Variants in UVRAG observed in about 807,000 individuals in gnomAD.
The protein encoded by UVRAG is UV radiation resistance associated, also known as UV radiation resistance-associated gene protein.
In UVRAG, 19 loss-of-function variants were observed where a neutral mutation model predicts 78.0. The ratio of observed to expected loss-of-function variants is 0.24; its 90% CI spans 0.17 to 0.36. UVRAG has a LOEUF of 0.36. Among genes scored for constraint, UVRAG ranks in the 10% least tolerant of loss-of-function variants. The pLI, the probability that UVRAG is intolerant of heterozygous loss-of-function variation, is 1.00. For missense variants in UVRAG, 740 were observed against 853.8 expected (o/e 0.87, Z 1.66); for synonymous variants, 323 against 324.6 (o/e 1.00, Z 0.05).
intron 13 of UVRAG, among the ~76,000 whole-genome samples, chr11:76,102,380 CTGT>C (rs1436224210): frequency 6.6e-6 from 1 of 151,962 alleles, no homozygotes; most frequent in Non-Finnish European, 1.5e-5. Flanking sequence ...CTTGGTTTGG[CTGT>C]TGTTGGGAAT....
At chr11:76,043,747 A>G (rs1565134048) in intron 12 of UVRAG, among the ~76,000 whole-genome samples, 1 of 152,220 alleles carries the variant, frequency 6.6e-6, no homozygotes, top group African/African-American at 2.4e-5. Flanking sequence ...GATAGTAACC[A>G]TGCTCAACCC....
chr11:75,938,933 G>T (rs1948431464), intron 6 of UVRAG, among the ~76,000 whole-genome samples: 5 of 152,050 alleles, frequency 3.3e-5, no homozygotes, highest in Admixed American at 1.3e-4. Flanking sequence ...ACCTTATTCT[G>T]TTGGGATCCC....
At chr11:75,891,135 A>G (rs770506400) in intron 5 of UVRAG, among the ~76,000 whole-genome samples, 23 of 152,116 alleles carry the variant, frequency 1.5e-4, no homozygotes, top group Non-Finnish European at 2.9e-4. Flanking sequence ...ATATCAACAT[A>G]CTATGTATAC....
intron 1 of UVRAG, among the ~76,000 whole-genome samples, chr11:75,826,977 A>G (rs1945525102): frequency 6.6e-6 from 1 of 152,166 alleles, no homozygotes; most frequent in Non-Finnish European, 1.5e-5. Context: ...TTGTTGGTCC[A>G]TTGAAATAGC....
rs114378929 is a variant in UVRAG, at chr11:75,999,938, C to T, written c.827-4067C>T. ...AAAACACTTCCCATCCCAAGCATTT[C>T]GGATAAGGTATGCTCAACTTGTTTT... On this transcript the variant is annotated intron_variant, in intron 8 of 14. Coordinates refer to ENST00000356136, the MANE Select transcript of UVRAG (RefSeq NM_003369.4). 8.9e-3 allele frequency among the ~76,000 whole-genome samples: 1,357 copies of T among 152,146 alleles called. 22 individuals carry two copies. Among genetic ancestry groups the T allele is most frequent in the African/African-American group, 0.031 (1,289 of 41,504 alleles).
chr11:75,899,088 A>C (rs1364086195), intron 5 of UVRAG, among the ~76,000 whole-genome samples: 2 of 152,140 alleles, frequency 1.3e-5, no homozygotes, highest in Non-Finnish European at 2.9e-5. Flanking sequence ...ATTCCTATGC[A>C]TATTCTGTTT....
In UVRAG at chr11:75,833,089, CTTTAT is replaced by C. The variant is rs1474855907; in HGVS notation, c.117+17573_117+17577del. Among the ~76,000 whole-genome samples, 5 of 152,152 alleles carry C rather than the reference CTTTAT, an allele frequency of 3.3e-5. No homozygotes were observed. The South Asian group carries it at 6.2e-4, about 19-fold the overall frequency. On this transcript the variant is annotated intron_variant, in intron 1 of 14. Coordinates refer to ENST00000356136, the MANE Select transcript of UVRAG (RefSeq NM_003369.4). ...TTATCCTGTAGGTAGAGAGAACAGT[CTTTAT>C]TTTATTTATTTTTATTTTTATTTGG...
chr11:75,988,431 A>G (rs1380287796), intron 8 of UVRAG, among the ~76,000 whole-genome samples: 1 of 152,202 alleles, frequency 6.6e-6, no homozygotes, highest in Non-Finnish European at 1.5e-5. Context: ...ATGTGGTTGT[A>G]TGTGTCAGGA....
intron 6 of UVRAG, among the ~76,000 whole-genome samples, chr11:75,932,192 G>A (rs1264716716): frequency 1.3e-5 from 2 of 151,996 alleles, no homozygotes; most frequent in African/African-American, 2.4e-5. Flanking sequence ...GTAATCCAAA[G>A]TTAGCATTAA....
intron 14 of UVRAG, among the ~76,000 whole-genome samples, chr11:76,116,424 C>T (rs1002844034): frequency 6.6e-6 from 1 of 152,130 alleles, no homozygotes; most frequent in Non-Finnish European, 1.5e-5. Flanking sequence ...AGGAAGAAAG[C>T]AGATAAGGAA....
intron 13 of UVRAG, among the ~76,000 whole-genome samples, chr11:76,077,165 ATAT>A (rs1325780262): frequency 2.0e-5 from 3 of 148,768 alleles, no homozygotes; most frequent in South Asian, 2.1e-4. Context: ...ATATATGTAA[ATAT>A]TATATATACA....
At chr11:75,966,580 C>T (rs934452616) in intron 7 of UVRAG, among the ~76,000 whole-genome samples, 1 of 152,118 alleles carries the variant, frequency 6.6e-6, no homozygotes, top group African/African-American at 2.4e-5. Flanking sequence ...ATTCTAACAT[C>T]TGGATCATCT....
At chr11:75,965,134 A>T (rs1463696576) in intron 7 of UVRAG, among the ~76,000 whole-genome samples, 2 of 152,208 alleles carry the variant, frequency 1.3e-5, no homozygotes, top group African/African-American at 4.8e-5. Context: ...ACACAAAAAA[A>T]AGGTCTGATG....
chr11:76,062,783 A>G (rs1430172560), intron 12 of UVRAG, among the ~76,000 whole-genome samples: 1 of 152,182 alleles, frequency 6.6e-6, no homozygotes, highest in Non-Finnish European at 1.5e-5. Context: ...TGACTACTTC[A>G]TTGTTTCACT....
At chr11:76,114,862 TA>T (rs1952147563) in intron 13 of UVRAG, among the ~76,000 whole-genome samples, 2 of 152,364 alleles carry the variant, frequency 1.3e-5, no homozygotes, top group South Asian at 4.1e-4. Flanking sequence ...GGGATATATT[TA>T]AAAGTTTGAC....
Position 75,878,292 on chromosome 11 carries a change from G to C in UVRAG, c.271-1587G>C, listed in dbSNP as rs865857694. Reference sequence around the variant, plus strand: ...GCCGGGCAGAGACGCTCCTCACTTCGTAGATGGGATGGTGGCCGGGAAGAG... The same window carrying C: ...GCCGGGCAGAGACGCTCCTCACTTCCTAGATGGGATGGTGGCCGGGAAGAG... On this transcript the variant is annotated intron_variant, in intron 3 of 14. Coordinates refer to ENST00000356136, the MANE Select transcript of UVRAG (RefSeq NM_003369.4). 993 of 190,152 alleles carry C rather than the reference G, an allele frequency of 5.2e-3. 7 individuals carry two copies. Among genetic ancestry groups the C allele is most frequent in the African/African-American group, 0.014 (546 of 39,832 alleles). 11.8% of individuals were successfully genotyped at this position (190,152 alleles called of 1,614,324 possible).
rs772480456 is a variant in UVRAG, at chr11:76,140,692, G to A, written c.1398-19G>A. On this transcript the variant is annotated intron_variant, in intron 14 of 14. Transcript: ENST00000356136. The stretch of plus-strand genomic sequence containing the variant: ...GTTCTGAAGTCCAAAGTAACTTCTT[G>A]TTTTTGTTTCTCTTCTAGTGACAGA... 5.8e-6 allele frequency: 9 copies of A among 1,542,296 alleles called. No individual in the cohort carries two copies. The East Asian group carries it at 2.0e-4, about 35-fold the overall frequency.
chr11:75,892,210 A>G (rs745346227), intron 5 of UVRAG: 1 of 436,138 alleles, frequency 2.3e-6, no homozygotes, highest in African/African-American at 2.1e-5. Context: ...GAGAACCTGG[A>G]AAGAATTAAG....
intron 5 of UVRAG, among the ~76,000 whole-genome samples, chr11:75,891,874 A>G (rs995574737): frequency 3.9e-5 from 6 of 152,058 alleles, no homozygotes; most frequent in Admixed American, 1.3e-4. Flanking sequence ...TGATGGCGCC[A>G]CTTCACTGGG....
Sources: allele counts gnomAD v4.1 joint callset (sites outside exome capture counted in the v4.1 genomes callset), GRCh38; gene constraint gnomAD v4.1.1; transcripts MANE v1.5; gene names NCBI Gene and HGNC (gene_info 2026-07-23, HGNC 2026-07-21).